The following FSHR variants were observed in gnomAD, a reference collection of about 807,000 sequenced individuals.
FSHR encodes the protein follicle-stimulating hormone receptor.
A neutral mutation model predicts 52.1 loss-of-function variants in FSHR; 46 were observed. The observed-to-expected ratio is 0.88, with a 90% CI of 0.70 to 1.13. The LOEUF (loss-of-function observed/expected upper bound fraction) is 1.13, where lower values mean the gene tolerates loss of function less well. FSHR is among the 50% of genes most tolerant of loss of function. The pLI, the probability that FSHR is intolerant of heterozygous loss-of-function variation, is 0.00. For missense variants in FSHR, 964 were observed against 834.6 expected (o/e 1.16, Z -1.91); for synonymous variants, 399 against 309.6 (o/e 1.29, Z -3.03).
chr2:49,094,629 A>C (rs182917802), intron 1 of FSHR, among the ~76,000 whole-genome samples: 169 of 152,266 alleles, frequency 1.1e-3, no homozygotes, highest in African/African-American at 4.0e-3. Context: ...CATGAATGGA[A>C]ACAAAAACAC....
At chr2:48,968,948 G>T (rs183218561) in intron 8 of FSHR, 65 bp from the exon 9 acceptor site, 15 of 1,450,536 alleles carry the variant, frequency 1.0e-5, no homozygotes, top group Middle Eastern at 4.8e-4. Context: ...CTCTTGGTTA[G>T]CAGGCAAAAT....
At chr2:49,087,333 T>C (rs59674193) in intron 1 of FSHR, among the ~76,000 whole-genome samples, 4,516 of 151,870 alleles carry the variant, frequency 0.03, 202 homozygotes, top group African/African-American at 0.1. Context: ...AAGAAGAGCA[T>C]TGGATGGAAG....
chr2:49,087,078 T>A (rs1260792237), intron 1 of FSHR, among the ~76,000 whole-genome samples: 1 of 144,288 alleles, frequency 6.9e-6, no homozygotes, highest in African/African-American at 2.6e-5. Flanking sequence ...GGGTTTTTTT[T>A]TTTTTTTTTT....
chr2:49,098,274 C>A (rs893046819), intron 1 of FSHR, among the ~76,000 whole-genome samples: 9 of 151,910 alleles, frequency 5.9e-5, no homozygotes, highest in Non-Finnish European at 1.2e-4. Context: ...GATTCACAGG[C>A]TAGTGGAGTA....
chr2:49,063,273 A>C (rs1361082576), intron 2 of FSHR, among the ~76,000 whole-genome samples: 1 of 152,184 alleles, frequency 6.6e-6, no homozygotes, highest in Non-Finnish European at 1.5e-5. Flanking sequence ...GAGTGTTTGC[A>C]GTAACAAAGG....
chr2:48,979,432 C>A (rs1558607), intron 8 of FSHR, among the ~76,000 whole-genome samples: 114,558 of 151,620 alleles, frequency 0.76, 43,404 homozygotes, highest in Non-Finnish European at 0.78. Flanking sequence ...TTAAAAAAAA[C>A]CACAAAAACA....
At chr2:49,108,123 G>A (rs1006515528) in intron 1 of FSHR, among the ~76,000 whole-genome samples, 1 of 152,092 alleles carries the variant, frequency 6.6e-6, no homozygotes, top group African/African-American at 2.4e-5. Context: ...AAATGTTGAG[G>A]AGGATAAATT....
At chr2:49,111,214 G>A (rs1671410410) in intron 1 of FSHR, among the ~76,000 whole-genome samples, 2 of 152,124 alleles carry the variant, frequency 1.3e-5, no homozygotes, top group Admixed American at 1.3e-4. Flanking sequence ...GACAGACAAA[G>A]GGCCATTGTA....
At chr2:49,069,037 T>C (rs1005813658) in intron 1 of FSHR, among the ~76,000 whole-genome samples, 3 of 152,138 alleles carry the variant, frequency 2.0e-5, no homozygotes, top group Non-Finnish European at 4.4e-5. Flanking sequence ...ACTTCAGCTT[T>C]TGCCGTTTTC....
chr2:49,088,738 G>T (rs1670491079), intron 1 of FSHR, among the ~76,000 whole-genome samples: 1 of 152,136 alleles, frequency 6.6e-6, no homozygotes, highest in East Asian at 1.9e-4. Context: ...TTAGATATAG[G>T]AGGATTAACT....
At chr2:49,076,695 G>A (rs1218464944) in intron 1 of FSHR, among the ~76,000 whole-genome samples, 2 of 152,182 alleles carry the variant, frequency 1.3e-5, no homozygotes, top group African/African-American at 4.8e-5. Flanking sequence ...CTGCCTATGA[G>A]CCTGTAGAAT....
intron 6 of FSHR, among the ~76,000 whole-genome samples, chr2:48,987,874 C>A: frequency 7.2e-6 from 1 of 139,450 alleles, no homozygotes; most frequent in African/African-American, 2.9e-5. Flanking sequence ...ACACACACCC[C>A]TTCACTTCAA....
At chr2:49,094,019 G>A (rs1670721033) in intron 1 of FSHR, among the ~76,000 whole-genome samples, 1 of 152,072 alleles carries the variant, frequency 6.6e-6, no homozygotes, top group African/African-American at 2.4e-5. Flanking sequence ...TTAGATTTAG[G>A]TCTATCGCTT....
chr2:49,070,674 T>C (rs1344371190), intron 1 of FSHR, among the ~76,000 whole-genome samples: 1 of 152,154 alleles, frequency 6.6e-6, no homozygotes, highest in African/African-American at 2.4e-5. Context: ...GTAGTGTGCA[T>C]GTTTTTCTAA....
chr2:49,054,174 T>C (rs1453613525), intron 2 of FSHR, among the ~76,000 whole-genome samples: 1 of 152,204 alleles, frequency 6.6e-6, no homozygotes, highest in East Asian at 1.9e-4. Flanking sequence ...CTAATGATGT[T>C]ACCTATCTCC....
chr2:49,087,630 A>G (rs1032845253), intron 1 of FSHR, among the ~76,000 whole-genome samples: 1 of 152,372 alleles, frequency 6.6e-6, no homozygotes, highest in Non-Finnish European at 1.5e-5. Context: ...TCAATCATGC[A>G]TAAAGTAATA....
At position 48,982,644 on chromosome 2, in the gene FSHR, A is replaced by C. The variant is rs116400237; in HGVS notation, c.668+268T>G. ...ACCACAGGGGGTGATTATAAGGATTAAACAAGAAAATGCATCTTAACTTCT... is the reference window on the plus strand; with the variant it reads ...ACCACAGGGGGTGATTATAAGGATTCAACAAGAAAATGCATCTTAACTTCT... On this transcript the variant is annotated intron_variant, in intron 8 of 9. Coordinates refer to ENST00000406846, the MANE Select transcript of FSHR (RefSeq NM_000145.4). Among the ~76,000 whole-genome samples the C allele has an allele frequency of 0.01, 1,548 of 152,340 alleles. 28 individuals carry two copies. The highest frequency in any genetic ancestry group is 0.036 in the African/African-American group (1,478 of 41,568).
intron 2 of FSHR, among the ~76,000 whole-genome samples, chr2:49,060,221 C>T (rs1311102154): frequency 6.6e-6 from 1 of 151,908 alleles, no homozygotes; most frequent in Non-Finnish European, 1.5e-5. Context: ...AAAAAGGTAC[C>T]CTTACATATT....
intron 4 of FSHR, among the ~76,000 whole-genome samples, chr2:49,014,062 C>T (rs192748587): frequency 6.6e-6 from 1 of 152,196 alleles, no homozygotes; most frequent in African/African-American, 2.4e-5. Context: ...AGCTGGCATC[C>T]TGATCTTGGG....
Sources: allele counts gnomAD v4.1 joint callset (sites outside exome capture counted in the v4.1 genomes callset), GRCh38; gene constraint gnomAD v4.1.1; transcripts MANE v1.5; gene names NCBI Gene and HGNC (gene_info 2026-07-23, HGNC 2026-07-21).